NIPBL: variants seen among roughly 807,000 people sequenced by gnomAD.
NIPBL encodes the protein NIPBL cohesin loading factor, also known as nipped-B-like protein.
A neutral mutation model predicts 321.8 loss-of-function variants in NIPBL; 19 were observed. The observed-to-expected ratio is 0.06, with a 90% confidence interval of 0.04 to 0.09. The LOEUF is 0.09. Among genes scored for constraint, NIPBL ranks in the 10% least tolerant of loss-of-function variants. NIPBL has a pLI of 1.00. For synonymous variants in NIPBL, 1,106 were observed against 1,114.1 expected (o/e 0.99, Z 0.14); for missense variants, 2,210 against 3,327.0 (o/e 0.66, Z 8.26).
chr5:36,993,880 C>G (rs1377511126), intron 10 of NIPBL, among the ~76,000 whole-genome samples: 1 of 145,486 alleles, frequency 6.9e-6, no homozygotes. Flanking sequence ...AATTGTGAAC[C>G]AGAGTTAGGC....
rs749355327 is a variant in NIPBL at position 36,917,207 on chromosome 5, CATT to C, written c.-79-36410_-79-36408del. 3.9e-5 allele frequency among the ~76,000 whole-genome samples: 6 copies of C among 151,976 alleles called. No homozygotes were observed. The East Asian group carries it at 1.2e-3, about 29-fold the overall frequency. On this transcript the variant is annotated intron_variant, in intron 1 of 46. Coordinates refer to ENST00000282516, the MANE Select transcript of NIPBL (RefSeq NM_133433.4). ...TGGATCGCCATTCTAATTGGTATCTCATTGTGGTTTTGATTTGCATTTCTCTGA... is the reference window on the plus strand; with the variant it reads ...TGGATCGCCATTCTAATTGGTATCTCGTGGTTTTGATTTGCATTTCTCTGA...
intron 1 of NIPBL, among the ~76,000 whole-genome samples, chr5:36,918,519 T>C (rs981994850): frequency 4.6e-5 from 7 of 152,202 alleles, no homozygotes; most frequent in African/African-American, 1.7e-4. Context: ...CCTTTATTTT[T>C]TTCTCCTGCC....
At chr5:37,026,142 C>T (rs1412102103) in intron 30 of NIPBL, 87 bp from the exon 31 acceptor site, 2 of 759,842 alleles carry the variant, frequency 2.6e-6, no homozygotes, top group Non-Finnish European at 4.7e-6. Context: ...TTATTTATAG[C>T]TTTGTGTTGG....
At chr5:36,911,420 G>T (rs1007726561) in intron 1 of NIPBL, among the ~76,000 whole-genome samples, 2 of 152,120 alleles carry the variant, frequency 1.3e-5, no homozygotes, top group African/African-American at 2.4e-5. Flanking sequence ...ACTCTTTAAG[G>T]CTGAAAACTG....
intron 1 of NIPBL, among the ~76,000 whole-genome samples, chr5:36,948,253 T>G (rs555631075): frequency 6.6e-6 from 1 of 152,024 alleles, no homozygotes; most frequent in Admixed American, 6.6e-5. Flanking sequence ...AAATATTAAT[T>G]GGATGCCTCA....
At chr5:36,899,716 G>A (rs149259064) in intron 1 of NIPBL, among the ~76,000 whole-genome samples, 401 of 152,262 alleles carry the variant, frequency 2.6e-3, no homozygotes, top group African/African-American at 9.3e-3. Flanking sequence ...GCTTGAGTTG[G>A]TGAATATTAC....
chr5:37,057,166 CT>C lies in NIPBL; in HGVS notation c.7264-15del, dbSNP rs1001334676. On this transcript the variant is annotated intron_variant, in intron 42 of 46. Transcript: ENST00000282516. The stretch of plus-strand genomic sequence containing the variant: ...CTAGATTATCCGCTAAACATGTGTG[CT>C]TTTTCTTAAAATTTACAGAAAACAG... 1.2e-6 allele frequency: 2 copies of C among 1,611,916 alleles called. No homozygotes were observed. The highest frequency in any genetic ancestry group is 1.7e-6 in the Non-Finnish European group (2 of 1,179,688).
At chr5:36,880,702 G>A (rs994238030) in intron 1 of NIPBL, among the ~76,000 whole-genome samples, 1 of 151,972 alleles carries the variant, frequency 6.6e-6, no homozygotes, top group Non-Finnish European at 1.5e-5. Context: ...TTTAAAAATT[G>A]TTTTAAGATG....
At chr5:36,959,798 T>C (rs1163593130) in intron 4 of NIPBL, among the ~76,000 whole-genome samples, 1 of 152,258 alleles carries the variant, frequency 6.6e-6, no homozygotes, top group Non-Finnish European at 1.5e-5. Flanking sequence ...ATACTACATA[T>C]ACTTGTTTTT....
chr5:37,046,172 G>A lies in NIPBL; in HGVS notation c.6562G>A (p.Val2188Ile). 1 of 1,579,708 alleles carries A rather than the reference G, an allele frequency of 6.3e-7. No individual in the cohort carries two copies. ...TTTTACAAAACACTCAGATGAAGAA[G>A]TACAAACAAAAGCTATCATTGGTCT... ...MYFTKHSDEE[V>I]QTKAIIGLGF... Residue 2188 changes from valine (V) to isoleucine (I), a missense_variant, in exon 38 of 47, where the codon GTA (valine) becomes ATA (isoleucine). Around this residue, in one of 14 missense-constraint regions of NIPBL, gnomAD observed 40 missense variants for 55.3 expected, o/e 0.72. Coordinates refer to ENST00000282516, the MANE Select transcript of NIPBL (RefSeq NM_133433.4).
intron 1 of NIPBL, among the ~76,000 whole-genome samples, chr5:36,950,018 T>G (rs1044849518): frequency 5.3e-5 from 8 of 152,048 alleles, no homozygotes; most frequent in African/African-American, 1.9e-4. Flanking sequence ...AAATTTAGTT[T>G]ATAAATGATT....
At position 37,006,573 on chromosome 5, in the gene NIPBL, T is replaced by G; in HGVS notation, c.4072T>G (p.Leu1358Val). 6.2e-7 allele frequency: 1 copy of G among 1,602,230 alleles called. No homozygotes were observed. The highest frequency in any genetic ancestry group is 8.5e-7 in the Non-Finnish European group (1 of 1,170,174). Reference sequence around the variant, plus strand: ...TCCTCAGTATGATCCTGTTTACAGATTAGATCCTCATGGAGGTTAGTTCGT... The same window carrying G: ...TCCTCAGTATGATCCTGTTTACAGAGTAGATCCTCATGGAGGTTAGTTCGT... ...LYPQYDPVYR[L>V]DPHGGGLLSS... Residue 1358 changes from leucine to valine, a missense_variant, in exon 17 of 47, where the codon TTA becomes GTA. By Grantham distance (32) the Leu-to-Val change is conservative. This residue lies in a region of NIPBL where 381 missense variants were observed against 642.3 expected (regional missense o/e 0.59). Transcript: ENST00000282516.
rs978229437 is a variant in NIPBL at position 37,003,173 on chromosome 5, G to A, written c.3769-88G>A. 4 of 848,850 alleles carry A rather than the reference G, an allele frequency of 4.7e-6. No homozygotes were observed. The African/African-American group carries it at 6.7e-5, about 14-fold the overall frequency. 52.6% of individuals were successfully genotyped at this position (848,850 alleles called of 1,614,324 possible). On this transcript the variant is annotated intron_variant, in intron 15 of 46. Transcript: ENST00000282516. ...GGGTGACAATGCTATTTCCTCCATA[G>A]CTCAAAGGGAATAATTGTACAGATT...
intron 34 of NIPBL, among the ~76,000 whole-genome samples, chr5:37,043,388 C>T (rs779286977): frequency 4.0e-4 from 61 of 152,044 alleles, no homozygotes; most frequent in Admixed American, 7.2e-4. Context: ...ATTAGCCAGG[C>T]ATGGTGGTGG....
chr5:37,063,139 C>T (rs2149759034), intron 45 of NIPBL, among the ~76,000 whole-genome samples: 3 of 152,188 alleles, frequency 2.0e-5, no homozygotes, highest in Middle Eastern at 6.8e-3. Flanking sequence ...AGAGGTTTGA[C>T]ACCAGTTTGG....
chr5:36,972,323 C>A (rs555541199), intron 8 of NIPBL, among the ~76,000 whole-genome samples: 2 of 152,088 alleles, frequency 1.3e-5, no homozygotes, highest in Non-Finnish European at 2.9e-5. Context: ...CAAACCACAA[C>A]GTTCTTCTCT....
At chr5:36,999,690 C>T (rs1746560480) in intron 11 of NIPBL, among the ~76,000 whole-genome samples, 1 of 151,748 alleles carries the variant, frequency 6.6e-6, no homozygotes, top group African/African-American at 2.4e-5. Flanking sequence ...TTGAAGGTAA[C>T]ATACATAATC....
At chr5:36,903,325 A>G (rs188146324) in intron 1 of NIPBL, among the ~76,000 whole-genome samples, 1 of 152,264 alleles carries the variant, frequency 6.6e-6, no homozygotes, top group African/African-American at 2.4e-5. Flanking sequence ...ATAGTGAGAG[A>G]GGGCATCCTT....
chr5:37,053,826 G>A (rs767970575), intron 42 of NIPBL, among the ~76,000 whole-genome samples: 1 of 152,104 alleles, frequency 6.6e-6, no homozygotes, highest in East Asian at 1.9e-4. Flanking sequence ...GAAGTTTAAC[G>A]AGCATAAAAT....
Sources: gnomAD v4.1 joint callset for allele counts (sites outside exome capture counted in the v4.1 genomes callset) on GRCh38, gnomAD v4.1.1 for gene constraint, gnomAD v4.1.1 regional missense constraint, MANE v1.5 for transcripts, NCBI Gene and HGNC (gene_info 2026-07-23, HGNC 2026-07-21) for gene names.